The following ARID1A variants were observed in gnomAD, a reference collection of about 807,000 sequenced individuals.
ARID1A encodes AT-rich interactive domain-containing protein 1A.
Under a neutral mutation model 212.6 loss-of-function variants are expected in ARID1A, and 20 were observed. The ratio of observed to expected loss-of-function variants is 0.09; its 90% CI spans 0.07 to 0.14. The LOEUF is 0.14. Among genes scored for constraint, ARID1A ranks in the 10% least tolerant of loss-of-function variants. The probability of loss-of-function intolerance (pLI) is 1.00; values close to 1 mark genes in which losing one functional copy is unlikely to be tolerated. For synonymous variants in ARID1A, 1,376 were observed against 1,222.1 expected, an observed-to-expected ratio of 1.13 and a Z score of -2.63; for missense variants, 2,587 against 3,059.0, an observed-to-expected ratio of 0.85 and a Z score of 3.64.
intron 4 of ARID1A, among the ~76,000 whole-genome samples, chr1:26,754,846 C>A (rs946253875): frequency 6.6e-6 from 1 of 152,144 alleles, no homozygotes; most frequent in Non-Finnish European, 1.5e-5. Flanking sequence ...TGGCTGGGTA[C>A]AGTGGCTCAC....
chr1:26,738,733 A>G (rs1288391118), intron 4 of ARID1A, among the ~76,000 whole-genome samples: 1 of 151,054 alleles, frequency 6.6e-6, no homozygotes, highest in African/African-American at 2.4e-5. Flanking sequence ...TAGTTTTTGT[A>G]TTTTTAGTAG....
At chr1:26,723,688 CT>C (rs2124777943) in intron 1 of ARID1A, among the ~76,000 whole-genome samples, 1 of 152,146 alleles carries the variant, frequency 6.6e-6, no homozygotes, top group East Asian at 1.9e-4. Context: ...CAGGAAAAGC[CT>C]TTTCCTGTGT....
rs752544377 is a variant in ARID1A at position 26,774,987 on chromosome 1, G to T, written c.4760G>T (p.Ser1587Ile). The change falls in exon 18 of 20, where the codon AGC becomes ATC. Residue 1587 changes from serine (S) to isoleucine (I), a missense_variant. Transcript: ENST00000324856. The surrounding 1 kb of genome is among the most constrained non-coding windows in gnomAD (Gnocchi z 5.6). The part of the protein sequence containing the change: ...SMQNHIPQVS[S>I]PAPLPRPMEN... ...CAGAATCACATTCCTCAGGTATCCA[G>T]CCCTGCTCCCCTGCCCCGGCCAATG... The T allele has an allele frequency of 6.4e-7, 1 of 1,550,414 alleles. No individual in the cohort carries two copies. The highest frequency in any genetic ancestry group is 2.0e-5 in the Admixed American group (1 of 51,164).
chr1:26,737,086 T>G (rs891413122), intron 4 of ARID1A, among the ~76,000 whole-genome samples: 1 of 152,070 alleles, frequency 6.6e-6, no homozygotes, highest in African/African-American at 2.4e-5. Context: ...ACAGAGCATT[T>G]TGCCAATGCC....
intron 6 of ARID1A, among the ~76,000 whole-genome samples, chr1:26,761,832 C>T (rs930295410): frequency 1.3e-5 from 2 of 152,168 alleles, no homozygotes; most frequent in Admixed American, 6.5e-5. Context: ...TGCCCCCTTA[C>T]ATTTTGCCTC....
At chr1:26,736,916 A>C (rs926310521) in intron 4 of ARID1A, among the ~76,000 whole-genome samples, 9 of 150,956 alleles carry the variant, frequency 6.0e-5, no homozygotes, top group South Asian at 2.1e-4. Context: ...AAAAAAAAAA[A>C]AAAAAACCCT....
Position 26,696,421 on chromosome 1 carries a change from C to CCCCGCCGCCGCCAGCAGCCTGGGCAA in ARID1A, c.31_56dup (p.Pro20AlafsTer14). ...CGGGGATCATGGCCGCGCAGGTCGC[C>CCCCGCCGCCGCCAGCAGCCTGGGCAA]CCCGCCGCCGCCAGCAGCCTGGGCA... is the stretch of plus-strand genomic sequence containing the variant. On this transcript the variant is annotated frameshift_variant, in exon 1 of 20. Coordinates refer to ENST00000324856, the MANE Select transcript of ARID1A (RefSeq NM_006015.6). LOFTEE classifies it high-confidence loss of function. The CCCCGCCGCCGCCAGCAGCCTGGGCAA allele has an allele frequency of 7.8e-7, 1 of 1,287,958 alleles. No individual in the cohort carries two copies. The highest frequency in any genetic ancestry group is 9.8e-7 in the Non-Finnish European group (1 of 1,019,426). 79.8% of individuals were successfully genotyped at this position (1,287,958 alleles called of 1,614,324 possible).
rs2081198238 is a variant in ARID1A at position 26,781,790 on chromosome 1, GTA to G, written c.*1035_*1036del. The G allele has an allele frequency of 1.3e-5, 3 of 233,592 alleles. No individual in the cohort carries two copies. The Admixed American group carries it at 1.7e-4, about 13-fold the overall frequency. 14.5% of individuals were successfully genotyped at this position (233,592 alleles called of 1,614,324 possible). On this transcript the variant is annotated 3_prime_UTR_variant, in exon 20 of 20. Coordinates refer to ENST00000324856, the MANE Select transcript of ARID1A (RefSeq NM_006015.6). ...TTGGTGCGATGCTGTACAGGTCTCT[GTA>G]AAAAGTCCTTGCTGTCTCAGCAGCC...
At chr1:26,729,996 A>C (rs2080658111) in intron 2 of ARID1A, 133 bp downstream of exon 2, 2 of 1,135,926 alleles carry the variant, frequency 1.8e-6, no homozygotes, top group Non-Finnish European at 2.5e-6. Context: ...AGTTAATTAC[A>C]GAGTGCTACT....
chr1:26,761,401 C>T lies in ARID1A; in HGVS notation c.2179C>T (p.Arg727Trp), dbSNP rs2124059281. ...TGGAGCAGGCAACCAGATGCCACCT[C>T]GGCCACCCAGTGGCCAGTCGGACAG... ...AAVPGNQMPP[R>W]PPSGQSDSIM... The change falls in exon 6 of 20, where the codon CGG (arginine) becomes TGG (tryptophan). Residue 727 changes from arginine to tryptophan, a missense_variant. This residue lies in a region of ARID1A where 674 missense variants were observed against 813.4 expected (regional missense o/e 0.83). Transcript: ENST00000324856. 1 of 1,614,202 alleles carries T rather than the reference C, an allele frequency of 6.2e-7. No homozygotes were observed. The highest frequency in any genetic ancestry group is 8.5e-7 in the Non-Finnish European group (1 of 1,180,034).
intron 1 of ARID1A, among the ~76,000 whole-genome samples, chr1:26,701,749 A>G (rs913728378): frequency 3.3e-5 from 5 of 152,162 alleles, no homozygotes; most frequent in South Asian, 4.2e-4. Flanking sequence ...ACTCAAAGCT[A>G]TTTTCTCCTG....
rs2124070624 is a variant in ARID1A at position 26,763,269 on chromosome 1, A to G, written c.2716A>G (p.Asn906Asp). Residue 906 changes from asparagine to aspartate, a missense_variant, in exon 8 of 20, where the codon AAC becomes GAC. Physicochemically the swap from Asn to Asp is conservative, Grantham distance 23. This residue lies in a region of ARID1A where 674 missense variants were observed against 813.4 expected (regional missense o/e 0.83). Transcript: ENST00000324856. Reference protein sequence around the residue: ...ETAVAMHVAANSIQNRPPGYP... With the variant: ...ETAVAMHVAADSIQNRPPGYP... Reference sequence around the variant, plus strand: ...TGCTGTCGCCATGCATGTTGCTGCCAACTCTATCCAAAACAGGTAAGGCCT... The same window carrying G: ...TGCTGTCGCCATGCATGTTGCTGCCGACTCTATCCAAAACAGGTAAGGCCT... The G allele has an allele frequency of 6.2e-7, 1 of 1,606,800 alleles. No homozygotes were observed. Among genetic ancestry groups the G allele is most frequent in the Non-Finnish European group, 8.5e-7 (1 of 1,175,016 alleles).
intron 4 of ARID1A, among the ~76,000 whole-genome samples, chr1:26,757,911 T>C (rs1209173007): frequency 1.3e-5 from 2 of 152,192 alleles, no homozygotes; most frequent in African/African-American, 4.8e-5. Context: ...GTGCTGGGAT[T>C]ACGGACATGA....
chr1:26,709,463 A>G (rs2080428126), intron 1 of ARID1A, among the ~76,000 whole-genome samples: 1 of 152,042 alleles, frequency 6.6e-6, no homozygotes, highest in Non-Finnish European at 1.5e-5. Context: ...TTGCAGCACT[A>G]CCATGGAAGT....
Position 26,697,018 on chromosome 1 carries a change from C to T in ARID1A, c.615C>T (p.His205=), listed in dbSNP as rs2124742718. The change falls in exon 1 of 20, where the codon CAC becomes CAT. Residue 205 remains histidine, a synonymous_variant. Coordinates refer to ENST00000324856, the MANE Select transcript of ARID1A (RefSeq NM_006015.6). ...GGCCCCAGCAGAACTCTCACGACCACGGCTTCCCCAACCACCAGTACAACT... is the reference window on the plus strand; with the variant it reads ...GGCCCCAGCAGAACTCTCACGACCATGGCTTCCCCAACCACCAGTACAACT... The part of the protein sequence containing the change: ...YAGPQQNSHD[H]GFPNHQYNSY... 1.3e-6 allele frequency: 2 copies of T among 1,535,426 alleles called. No individual in the cohort carries two copies. Among genetic ancestry groups the T allele is most frequent in the Admixed American group, 2.1e-5 (1 of 48,598 alleles).
chr1:26,734,767 A>G (rs1272577599), intron 4 of ARID1A, among the ~76,000 whole-genome samples: 2 of 152,218 alleles, frequency 1.3e-5, no homozygotes, highest in Non-Finnish European at 2.9e-5. Flanking sequence ...GATTCCCTAC[A>G]AGAGCCCTCT....
intron 8 of ARID1A, chr1:26,764,856 T>TA (rs1201720312): frequency 5.9e-5 from 9 of 152,314 alleles, no homozygotes; most frequent in African/African-American, 2.2e-4. Context: ...AGGCAGTACT[T>TA]AAAGGACACA....
At chr1:26,726,859 C>T (rs2080624306) in intron 1 of ARID1A, among the ~76,000 whole-genome samples, 1 of 152,196 alleles carries the variant, frequency 6.6e-6, no homozygotes, top group African/African-American at 2.4e-5. Context: ...ACTGGATTTA[C>T]AATAGGGCAT....
At chr1:26,754,995 G>T (rs1193135872) in intron 4 of ARID1A, among the ~76,000 whole-genome samples, 2 of 152,146 alleles carry the variant, frequency 1.3e-5, no homozygotes, top group Non-Finnish European at 2.9e-5. Context: ...TGTAGTCGCA[G>T]CTACTCTGGA....
Sources: gnomAD v4.1 joint callset for allele counts (sites outside exome capture counted in the v4.1 genomes callset) on GRCh38, gnomAD v4.1.1 for gene constraint, gnomAD v4.1.1 regional missense constraint, Gnocchi (gnomAD v3.1) non-coding constraint, MANE v1.5 for transcripts, NCBI Gene and HGNC (gene_info 2026-07-23, HGNC 2026-07-21) for gene names.